NPSR1: variants seen among roughly 807,000 people sequenced by gnomAD.
NPSR1 encodes neuropeptide S receptor.
In NPSR1, 48 loss-of-function variants were observed where a neutral mutation model predicts 46.9. The observed-to-expected ratio is 1.02, with a 90% CI of 0.81 to 1.30. NPSR1 has a LOEUF of 1.30. Among genes scored for constraint, NPSR1 ranks in the 50% most tolerant of loss-of-function variants. The pLI is 0.00. For synonymous variants in NPSR1, 176 were observed against 168.1 expected (o/e 1.05, Z -0.36); for missense variants, 450 against 449.5 (o/e 1.00, Z -0.01).
intron 3 of NPSR1, among the ~76,000 whole-genome samples, chr7:34,788,176 CAG>C (rs202170036): frequency 6.7e-6 from 1 of 148,192 alleles, no homozygotes; most frequent in East Asian, 2.0e-4. Flanking sequence ...TGTGTGTAAT[CAG>C]AGTTAAGTTA....
chr7:34,866,300 A>T (rs1416033258), intron 8 of NPSR1, among the ~76,000 whole-genome samples: 4 of 151,744 alleles, frequency 2.6e-5, no homozygotes, highest in Non-Finnish European at 4.4e-5. Flanking sequence ...GTCACAATGA[A>T]CCATCTCAAA....
At chr7:34,665,788 CTACA>C (rs1035727782) in intron 1 of NPSR1, among the ~76,000 whole-genome samples, 3 of 151,934 alleles carry the variant, frequency 2.0e-5, no homozygotes, top group African/African-American at 7.3e-5. Flanking sequence ...GCATGTTCAC[CTACA>C]TACACACACA....
intron 4 of NPSR1, among the ~76,000 whole-genome samples, chr7:34,814,258 T>C (rs556504483): frequency 1.3e-5 from 2 of 152,360 alleles, no homozygotes; most frequent in Admixed American, 1.3e-4. Flanking sequence ...CTCCCATGCC[T>C]GGCTCAGGAG....
chr7:34,778,655 T>C (rs1583999755), intron 3 of NPSR1, 90 bp downstream of exon 3: 1 of 798,704 alleles, frequency 1.3e-6, no homozygotes, highest in Non-Finnish European at 2.1e-6. Flanking sequence ...AAACCTTGCA[T>C]TCCTATGCAT....
intron 2 of NPSR1, chr7:34,751,766 C>A: frequency 1.3e-6 from 2 of 1,588,050 alleles, no homozygotes; most frequent in Non-Finnish European, 1.7e-6. Context: ...TTCTCCAGGG[C>A]CTGTTTTGCA....
intron 8 of NPSR1, chr7:34,871,527 T>A (rs1245450157): frequency 6.6e-6 from 1 of 151,772 alleles, no homozygotes; most frequent in East Asian, 1.9e-4. Flanking sequence ...AAGTCTTAAG[T>A]CTTTCCAGCA....
At chr7:34,826,869 G>A (rs1206963507) in intron 4 of NPSR1, among the ~76,000 whole-genome samples, 1 of 139,156 alleles carries the variant, frequency 7.2e-6, no homozygotes, top group African/African-American at 2.8e-5. Flanking sequence ...TGCCTTGTAA[G>A]TCCACCCATG....
chr7:34,814,662 T>C (rs1190500628), intron 4 of NPSR1, among the ~76,000 whole-genome samples: 1 of 152,162 alleles, frequency 6.6e-6, no homozygotes, highest in Non-Finnish European at 1.5e-5. Context: ...ACACCTCATA[T>C]AGGTGGGTGC....
intron 6 of NPSR1, among the ~76,000 whole-genome samples, chr7:34,836,479 T>C (rs1204229629): frequency 6.6e-6 from 1 of 152,182 alleles, no homozygotes; most frequent in Admixed American, 6.5e-5. Flanking sequence ...TAATTACTAA[T>C]GTTGAGACAA....
rs1361342412 is a variant in NPSR1 at position 34,778,567 on chromosome 7, T to TA, written c.384+3dup. 2 of 1,586,016 alleles carry TA rather than the reference T, an allele frequency of 1.3e-6. No individual in the cohort carries two copies. The highest frequency in any genetic ancestry group is 1.7e-6 in the Non-Finnish European group (2 of 1,155,356). On this transcript the variant is annotated splice_region_variant and intron_variant, in intron 3 of 8. Transcript: ENST00000360581. Reference sequence around the variant, plus strand: ...TGCCGAGTGGTCCGCTATTTGCAGGTATGTCACACCTTCCAAATGTGATGA... The same window carrying TA: ...TGCCGAGTGGTCCGCTATTTGCAGGTAATGTCACACCTTCCAAATGTGATGA...
intron 2 of NPSR1, among the ~76,000 whole-genome samples, chr7:34,691,651 C>T (rs553139403): frequency 6.6e-6 from 1 of 152,120 alleles, no homozygotes; most frequent in Admixed American, 6.5e-5. Context: ...AAGGTTCAAA[C>T]GACAAGAAGA....
intron 2 of NPSR1, among the ~76,000 whole-genome samples, chr7:34,726,723 G>A (rs912028549): frequency 4.6e-5 from 7 of 151,596 alleles, no homozygotes; most frequent in Non-Finnish European, 2.9e-5. Context: ...AAAATTACAT[G>A]CATATTACTG....
At chr7:34,717,373 C>T (rs2128705605) in intron 2 of NPSR1, among the ~76,000 whole-genome samples, 1 of 152,366 alleles carries the variant, frequency 6.6e-6, no homozygotes, top group Middle Eastern at 3.4e-3. Context: ...CTCAGGTGAT[C>T]TGCCGCCTCA....
chr7:34,799,222 G>A (rs542580149), intron 3 of NPSR1, among the ~76,000 whole-genome samples: 6 of 151,832 alleles, frequency 4.0e-5, no homozygotes, highest in African/African-American at 7.2e-5. Flanking sequence ...ACATAAACAC[G>A]TTATACAGCA....
intron 6 of NPSR1, among the ~76,000 whole-genome samples, chr7:34,837,830 TTCA>T: frequency 6.6e-6 from 1 of 152,232 alleles, no homozygotes; most frequent in East Asian, 1.9e-4. Flanking sequence ...GAGCTCTGCC[TTCA>T]GAGAGCTATT....
intron 2 of NPSR1, among the ~76,000 whole-genome samples, chr7:34,725,346 T>G (rs1784090122): frequency 6.6e-6 from 1 of 152,200 alleles, no homozygotes; most frequent in Non-Finnish European, 1.5e-5. Context: ...ATTTACTATG[T>G]CCCATCAACT....
At chr7:34,789,740 C>CAAAAAA (rs751424409) in intron 3 of NPSR1, among the ~76,000 whole-genome samples, 64 of 45,336 alleles carry the variant, frequency 1.4e-3, no homozygotes, top group South Asian at 2.7e-3. Flanking sequence ...TTGCAGTGCG[C>CAAAAAA]AAAAAAAAAA....
At chr7:34,791,584 G>T (rs899755491) in intron 3 of NPSR1, among the ~76,000 whole-genome samples, 1 of 151,906 alleles carries the variant, frequency 6.6e-6, no homozygotes, top group African/African-American at 2.4e-5. Flanking sequence ...AAGGCATCCT[G>T]TTTTCATAAA....
intron 2 of NPSR1, among the ~76,000 whole-genome samples, chr7:34,714,217 C>T (rs1020584611): frequency 6.6e-6 from 1 of 152,188 alleles, no homozygotes; most frequent in African/African-American, 2.4e-5. Flanking sequence ...GAGGACCAGG[C>T]GAAAGCTGCA....
Sources: allele counts gnomAD v4.1 joint callset (sites outside exome capture counted in the v4.1 genomes callset), GRCh38; gene constraint gnomAD v4.1.1; transcripts MANE v1.5; gene names NCBI Gene and HGNC (gene_info 2026-07-23, HGNC 2026-07-21).